Variants in RB1CC1 observed in about 807,000 individuals in gnomAD.
The protein encoded by RB1CC1 is RB1-inducible coiled-coil protein 1.
RB1CC1 carries 46 observed loss-of-function variants against 177.5 expected under a neutral mutation model. That is an observed-to-expected ratio of 0.26 (90% confidence interval 0.20 to 0.33). RB1CC1 has a LOEUF of 0.33. Among genes scored for constraint, RB1CC1 ranks in the 10% least tolerant of loss-of-function variants. The pLI is 1.00. For missense variants in RB1CC1, 1,703 were observed against 1,816.3 expected (o/e 0.94, Z 1.13); for synonymous variants, 666 against 613.6 (o/e 1.09, Z -1.26).
At chr8:52,707,955 G>A (rs974347016) in intron 1 of RB1CC1, among the ~76,000 whole-genome samples, 1 of 152,244 alleles carries the variant, frequency 6.6e-6, no homozygotes, top group Non-Finnish European at 1.5e-5. Flanking sequence ...AAATTGCAAC[G>A]ATACCTTTCA....
chr8:52,669,685 G>A (rs1279040168), intron 7 of RB1CC1, among the ~76,000 whole-genome samples: 3 of 152,112 alleles, frequency 2.0e-5, no homozygotes, highest in African/African-American at 7.2e-5. Context: ...TGGTAACTGA[G>A]TCCAATGTGT....
At chr8:52,638,739 T>C (rs1287942607) in intron 18 of RB1CC1, among the ~76,000 whole-genome samples, 2 of 152,134 alleles carry the variant, frequency 1.3e-5, no homozygotes, top group African/African-American at 4.8e-5. Flanking sequence ...TAGTCTTTAC[T>C]ACATCTATCA....
intron 1 of RB1CC1, among the ~76,000 whole-genome samples, chr8:52,688,157 ATG>A (rs2150618762): frequency 6.6e-6 from 1 of 152,300 alleles, no homozygotes; most frequent in Non-Finnish European, 1.5e-5. Context: ...TTTGAACAAT[ATG>A]CAATCAGTGC....
intron 15 of RB1CC1, among the ~76,000 whole-genome samples, chr8:52,650,698 A>T (rs1850496123): frequency 6.6e-6 from 1 of 152,222 alleles, no homozygotes; most frequent in Non-Finnish European, 1.5e-5. Context: ...CTGATCTGAA[A>T]GCAGTAATGA....
At chr8:52,702,232 CTG>C (rs1206892399) in intron 1 of RB1CC1, among the ~76,000 whole-genome samples, 16 of 152,298 alleles carry the variant, frequency 1.1e-4, no homozygotes, top group African/African-American at 3.8e-4. Flanking sequence ...GTTAAATACT[CTG>C]TATGGGTACC....
At chr8:52,667,892 A>T in intron 8 of RB1CC1, 129 bp downstream of exon 8, 1 of 894,280 alleles carries the variant, frequency 1.1e-6, no homozygotes, top group Non-Finnish European at 1.6e-6. Flanking sequence ...CAAGGAAACA[A>T]TATTAATACA....
In RB1CC1 at chr8:52,656,381, T is replaced by C. The variant is rs1851084870; in HGVS notation, c.3448A>G (p.Ile1150Val). ...LISRHEEESN[I>V]LKAELNKVTS... ...ACTTTGTTTAATTCAGCTTTAAGTA[T>C]ATTAGATTCTTCTTCATGTCTACTA... The change falls in exon 15 of 24, where the codon ATA (isoleucine) becomes GTA (valine). Residue 1150 changes from isoleucine (I) to valine (V), a missense_variant. Around this residue, in one of 6 missense-constraint regions of RB1CC1, gnomAD observed 1,169 missense variants for 1,184.7 expected, o/e 0.99. Transcript: ENST00000025008. 6.2e-7 allele frequency: 1 copy of C among 1,610,570 alleles called. No homozygotes were observed. The highest frequency in any genetic ancestry group is 8.5e-7 in the Non-Finnish European group (1 of 1,179,066).
At chr8:52,627,252 CAGG>C (rs1848461105) in intron 22 of RB1CC1, among the ~76,000 whole-genome samples, 1 of 152,168 alleles carries the variant, frequency 6.6e-6, no homozygotes, top group Non-Finnish European at 1.5e-5. Flanking sequence ...GAAGCTGAGG[CAGG>C]AGAATTGCTT....
At chr8:52,664,410 C>G (rs1019721403) in intron 8 of RB1CC1, among the ~76,000 whole-genome samples, 1 of 151,906 alleles carries the variant, frequency 6.6e-6, no homozygotes, top group East Asian at 1.9e-4. Context: ...TTAATTGTCT[C>G]GAAATGTTTA....
At chr8:52,624,595 T>A (rs932743293) in intron 23 of RB1CC1, 122 bp downstream of exon 23, 26 of 791,418 alleles carry the variant, frequency 3.3e-5, no homozygotes, top group Admixed American at 2.7e-4. Flanking sequence ...CTCATTAAAT[T>A]CAAGCTCTAA....
chr8:52,645,938 T>C (rs1313049194), intron 15 of RB1CC1, 71 bp from the exon 16 acceptor site: 1 of 1,428,326 alleles, frequency 7.0e-7, no homozygotes, highest in African/African-American at 1.5e-5. Flanking sequence ...ATATCATATT[T>C]GGGAAATTTA....
intron 5 of RB1CC1, among the ~76,000 whole-genome samples, chr8:52,676,978 A>G (rs534215767): frequency 7.1e-4 from 108 of 152,346 alleles, no homozygotes; most frequent in Non-Finnish European, 1.2e-3. Flanking sequence ...TAGTATAACT[A>G]TAACAGATTT....
chr8:52,679,826 G>T (rs765110109), intron 5 of RB1CC1, among the ~76,000 whole-genome samples: 1 of 152,126 alleles, frequency 6.6e-6, no homozygotes, highest in Non-Finnish European at 1.5e-5. Flanking sequence ...TGAAATTAGA[G>T]AGTAGCAGAA....
At chr8:52,636,418 A>C (rs1358138141) in intron 18 of RB1CC1, among the ~76,000 whole-genome samples, 1 of 152,170 alleles carries the variant, frequency 6.6e-6, no homozygotes, top group Admixed American at 6.6e-5. Flanking sequence ...ACTTCAGTAG[A>C]TTTACTAAGT....
intron 18 of RB1CC1, among the ~76,000 whole-genome samples, chr8:52,636,949 T>C (rs926976249): frequency 3.9e-5 from 6 of 152,204 alleles, no homozygotes; most frequent in Non-Finnish European, 8.8e-5. Context: ...ATTCCACTGA[T>C]ACAGTCAGGC....
chr8:52,643,400 T>C (rs1178811141), intron 16 of RB1CC1, among the ~76,000 whole-genome samples: 2 of 152,188 alleles, frequency 1.3e-5, no homozygotes, highest in Non-Finnish European at 2.9e-5. Context: ...TGACTGAATC[T>C]GTATAAAAAT....
chr8:52,660,274 TG>T (rs1448128274), intron 12 of RB1CC1, among the ~76,000 whole-genome samples: 1 of 150,948 alleles, frequency 6.6e-6, no homozygotes, highest in Non-Finnish European at 1.5e-5. Context: ...AGAAGAGCAG[TG>T]GAAGAAAGAA....
Position 52,637,391 on chromosome 8 carries a change from A to T in RB1CC1, c.4338-1322T>A, listed in dbSNP as rs1849227798. Among the ~76,000 whole-genome samples, 15 of 152,152 alleles carry T rather than the reference A, an allele frequency of 9.9e-5. 1 individual carries two copies. The highest frequency in any genetic ancestry group is 9.8e-4 in the Admixed American group (15 of 15,272). ...GTAGAAAGAATGACAATTTTTTAAG[A>T]GACAGGGTCTTGTTATGTCATCCCT... On this transcript the variant is annotated intron_variant, in intron 18 of 23. Coordinates refer to ENST00000025008, the MANE Select transcript of RB1CC1 (RefSeq NM_014781.5).
At chr8:52,638,855 TAAAATGC>T in intron 18 of RB1CC1, among the ~76,000 whole-genome samples, 1 of 152,292 alleles carries the variant, frequency 6.6e-6, no homozygotes, top group East Asian at 1.9e-4. Flanking sequence ...CAAACTGATT[TAAAATGC>T]TACATGTAGA....
Sources: allele counts gnomAD v4.1 joint callset (sites outside exome capture counted in the v4.1 genomes callset), GRCh38; gene constraint gnomAD v4.1.1; regional missense constraint gnomAD v4.1.1; transcripts MANE v1.5; gene names NCBI Gene and HGNC (gene_info 2026-07-23, HGNC 2026-07-21).